The following ADAMTS18 variants were observed in gnomAD, a reference collection of about 807,000 sequenced individuals.
The protein encoded by ADAMTS18 is A disintegrin and metalloproteinase with thrombospondin motifs 18.
A neutral mutation model predicts 165.9 loss-of-function variants in ADAMTS18; 157 were observed. The observed-to-expected ratio is 0.95, with a 90% CI of 0.83 to 1.08. The LOEUF (loss-of-function observed/expected upper bound fraction) is 1.08, where lower values mean the gene tolerates loss of function less well. Ranked by LOEUF, ADAMTS18 falls within the 50% of genes least tolerant of loss-of-function variation. The pLI is 0.00. For missense variants in ADAMTS18, 2,040 were observed against 1,534.0 expected (o/e 1.33, Z -5.51); for synonymous variants, 782 against 578.2 (o/e 1.35, Z -5.06).
intron 8 of ADAMTS18, 41 bp from the exon 9 acceptor site, chr16:77,356,118 C>G: frequency 6.2e-7 from 1 of 1,613,564 alleles, no homozygotes; most frequent in Non-Finnish European, 8.5e-7. Context: ...CTTTGTGAAC[C>G]CATTTTTTTG....
At chr16:77,428,726 G>T (rs2057703217) in intron 3 of ADAMTS18, among the ~76,000 whole-genome samples, 1 of 152,126 alleles carries the variant, frequency 6.6e-6, no homozygotes, top group Non-Finnish European at 1.5e-5. Context: ...GACACTCAAA[G>T]AAAATCCTTA....
chr16:77,434,619 C>T lies in ADAMTS18; in HGVS notation c.77G>A (p.Gly26Glu). 2 of 1,510,692 alleles carry T rather than the reference C, an allele frequency of 1.3e-6. No individual in the cohort carries two copies. Among genetic ancestry groups the T allele is most frequent in the Non-Finnish European group, 1.8e-6 (2 of 1,136,392 alleles). The allele number at this position is 1,510,692 out of a possible 1,614,324, so 93.6% of individuals were successfully genotyped here. ...SGPPRGLAGL[G>E]RVAKALQLCC... ...GGCGGCACCTGCCTTGGCCACGCGC[C>T]CCAGTCCCGCCAGGCCCCTCGGCGG... The change falls in exon 1 of 23, where the codon GGG becomes GAG. Residue 26 changes from glycine to glutamate, a missense_variant. Transcript: ENST00000282849.
intron 16 of ADAMTS18, among the ~76,000 whole-genome samples, chr16:77,302,974 C>G (rs1158575227): frequency 6.6e-6 from 1 of 152,176 alleles, no homozygotes; most frequent in Non-Finnish European, 1.5e-5. Context: ...GACCTTCACT[C>G]AAGCCAACCA....
intron 5 of ADAMTS18, 116 bp downstream of exon 5, chr16:77,364,072 G>A: frequency 7.1e-7 from 1 of 1,414,366 alleles, no homozygotes; most frequent in Non-Finnish European, 1.0e-6. Context: ...AGTAATGGCA[G>A]AAACTGCAAT....
chr16:77,334,883 A>G (rs1262697493), intron 12 of ADAMTS18, among the ~76,000 whole-genome samples: 2 of 134,430 alleles, frequency 1.5e-5, no homozygotes, highest in East Asian at 4.2e-4. Context: ...TGCACTATAT[A>G]TTATAATATA....
intron 3 of ADAMTS18, among the ~76,000 whole-genome samples, chr16:77,379,972 T>A (rs1329643560): frequency 6.6e-6 from 1 of 152,206 alleles, no homozygotes; most frequent in African/African-American, 2.4e-5. Context: ...GCAGTGTCTA[T>A]GCACTCTCAG....
chr16:77,284,134 T>C, intron 22 of ADAMTS18, 63 bp from the exon 23 acceptor site: 1 of 1,197,852 alleles, frequency 8.3e-7, no homozygotes, highest in South Asian at 1.2e-5. Context: ...TTTTTTTTTT[T>C]TTTTGAGATG....
intron 3 of ADAMTS18, among the ~76,000 whole-genome samples, chr16:77,409,511 C>A (rs538338522): frequency 1.3e-5 from 2 of 152,254 alleles, no homozygotes; most frequent in South Asian, 2.1e-4. Flanking sequence ...ACATTCTGCT[C>A]GCAGTAGCTG....
At position 77,302,512 on chromosome 16, in the gene ADAMTS18, C is replaced by T. The variant is rs76835706; in HGVS notation, c.2533-2108G>A. Among the ~76,000 whole-genome samples, 902 of 152,214 alleles carry T rather than the reference C, an allele frequency of 5.9e-3. 8 individuals are homozygous for T. Among genetic ancestry groups the T allele is most frequent in the African/African-American group, 0.02 (828 of 41,532 alleles). On this transcript the variant is annotated intron_variant, in intron 16 of 22. Coordinates refer to ENST00000282849, the MANE Select transcript of ADAMTS18 (RefSeq NM_199355.4). ...ACAAAGAGGTCGCATCACACACATA[C>T]GCACATAGTAGGGGCAAGCTTAAGT...
intron 16 of ADAMTS18, among the ~76,000 whole-genome samples, chr16:77,306,944 G>C (rs972435605): frequency 1.3e-5 from 2 of 152,034 alleles, no homozygotes; most frequent in African/African-American, 4.8e-5. Context: ...GAAACACCAA[G>C]CCCAGGATTC....
intron 16 of ADAMTS18, among the ~76,000 whole-genome samples, chr16:77,301,819 C>T (rs1055589945): frequency 1.3e-5 from 2 of 152,164 alleles, no homozygotes; most frequent in African/African-American, 4.8e-5. Context: ...AATCTCGATG[C>T]CTCCTAGAAA....
At chr16:77,292,936 C>T (rs1445614615) in intron 20 of ADAMTS18, 140 bp downstream of exon 20, 1 of 969,976 alleles carries the variant, frequency 1.0e-6, no homozygotes, top group South Asian at 1.5e-5. Flanking sequence ...GCTCCTGCCT[C>T]AGCCTCCCCA....
intron 3 of ADAMTS18, among the ~76,000 whole-genome samples, chr16:77,368,793 C>T (rs1291518032): frequency 3.3e-5 from 5 of 152,082 alleles, no homozygotes; most frequent in African/African-American, 1.2e-4. Flanking sequence ...GATGTGATCT[C>T]TAAGTGGGGG....
At chr16:77,404,743 G>C (rs1312709089) in intron 3 of ADAMTS18, among the ~76,000 whole-genome samples, 1 of 152,092 alleles carries the variant, frequency 6.6e-6, no homozygotes, top group Non-Finnish European at 1.5e-5. Context: ...TGCGTCTAAG[G>C]TGACTGATTC....
Position 77,358,973 on chromosome 16 carries a change from G to A in ADAMTS18, c.1322+345C>T, listed in dbSNP as rs113493159. Among the ~76,000 whole-genome samples, 7 of 152,208 alleles carry A rather than the reference G, an allele frequency of 4.6e-5. 1 individual carries two copies. Among genetic ancestry groups the A allele is most frequent in the African/African-American group, 1.7e-4 (7 of 41,518 alleles). ...AAAAGCAGCATGCCATTATACTTTG[G>A]GAATTAATTTTTCTCCATGATTACT... is the stretch of plus-strand genomic sequence containing the variant. On this transcript the variant is annotated intron_variant, in intron 8 of 22. Coordinates refer to ENST00000282849, the MANE Select transcript of ADAMTS18 (RefSeq NM_199355.4).
At chr16:77,320,222 T>C in intron 15 of ADAMTS18, 129 bp from the exon 16 acceptor site, 1 of 1,142,688 alleles carries the variant, frequency 8.8e-7, no homozygotes. Flanking sequence ...AAATTCATTC[T>C]TACTCTATGA....
intron 3 of ADAMTS18, among the ~76,000 whole-genome samples, chr16:77,417,309 G>C (rs902837162): frequency 6.6e-6 from 1 of 152,056 alleles, no homozygotes; most frequent in African/African-American, 2.4e-5. Context: ...TGGGTGGATG[G>C]ATGGGAGAAT....
chr16:77,358,417 C>G (rs531944582), intron 8 of ADAMTS18, among the ~76,000 whole-genome samples: 16 of 152,172 alleles, frequency 1.1e-4, no homozygotes, highest in Non-Finnish European at 1.2e-4. Context: ...TAAAAATTAG[C>G]CAGGCATGGT....
chr16:77,337,659 G>T (rs1279315740), intron 11 of ADAMTS18, among the ~76,000 whole-genome samples: 2 of 152,166 alleles, frequency 1.3e-5, no homozygotes, highest in Non-Finnish European at 2.9e-5. Context: ...TTTGGAAAAT[G>T]TGTTTTTTAG....
Sources: allele counts gnomAD v4.1 joint callset (sites outside exome capture counted in the v4.1 genomes callset), GRCh38; gene constraint gnomAD v4.1.1; transcripts MANE v1.5; gene names NCBI Gene and HGNC (gene_info 2026-07-23, HGNC 2026-07-21).